The following GFPT1 variants were observed in gnomAD, a reference collection of about 807,000 sequenced individuals.
GFPT1 encodes the protein glutamine--fructose-6-phosphate transaminase 1.
Under a neutral mutation model 92.0 loss-of-function variants are expected in GFPT1, and 40 were observed. The ratio of observed to expected loss-of-function variants is 0.43; its 90% CI spans 0.34 to 0.57. The LOEUF (loss-of-function observed/expected upper bound fraction) is 0.57, where lower values mean the gene tolerates loss of function less well. Ranked by LOEUF, GFPT1 falls within the 20% of genes least tolerant of loss-of-function variation. The pLI is 0.02. For synonymous variants in GFPT1, 269 were observed against 280.6 expected, an observed-to-expected ratio of 0.96 and a Z score of 0.41; for missense variants, 448 against 869.1, an observed-to-expected ratio of 0.52 and a Z score of 6.09.
chr2:69,340,804 A>G (rs1670931208), intron 13 of GFPT1, among the ~76,000 whole-genome samples: 1 of 152,236 alleles, frequency 6.6e-6, no homozygotes, highest in South Asian at 2.1e-4. Flanking sequence ...ATCTTACATT[A>G]GAGAATTCTA....
rs988021644 is a variant in GFPT1 at position 69,329,412 on chromosome 2, T to G, written c.1610A>C (p.Glu537Ala). The G allele has an allele frequency of 7.5e-6, 12 of 1,607,312 alleles. No homozygotes were observed. The highest frequency in any genetic ancestry group is 1.0e-5 in the Non-Finnish European group (12 of 1,174,010). The part of the protein sequence containing the change: ...GLKRLPDLIK[E>A]VLSMDDEIQK... Reference sequence around the variant, plus strand: ...AATTTCGTCATCCATGCTCAGTACTTCCTTAATCAAATCTAAGAAGTAATA... The same window carrying G: ...AATTTCGTCATCCATGCTCAGTACTGCCTTAATCAAATCTAAGAAGTAATA... Residue 537 changes from glutamate to alanine, a missense_variant, in exon 17 of 20, where the codon GAA becomes GCA. Around this residue, in one of 7 missense-constraint regions of GFPT1, gnomAD observed 73 missense variants for 103.5 expected, o/e 0.71. Coordinates refer to ENST00000357308, the MANE Select transcript of GFPT1 (RefSeq NM_001244710.2).
rs1474256622 is a variant in GFPT1, at chr2:69,321,781, G to A, written c.*4408C>T. 2.0e-5 allele frequency: 3 copies of A among 152,168 alleles called. No individual in the cohort carries two copies. The highest frequency in any genetic ancestry group is 7.2e-5 in the African/African-American group (3 of 41,442). 9.4% of individuals were successfully genotyped at this position (152,168 alleles called of 1,614,324 possible). ...ACAGGATCATTTCTACATTCATTCT[G>A]CAAACAGTGTAGTAAGAAAGGTAAT... On this transcript the variant is annotated 3_prime_UTR_variant, in exon 20 of 20. Coordinates refer to ENST00000357308, the MANE Select transcript of GFPT1 (RefSeq NM_001244710.2).
At chr2:69,364,944 G>A (rs1671571952) in intron 3 of GFPT1, among the ~76,000 whole-genome samples, 1 of 121,250 alleles carries the variant, frequency 8.2e-6, no homozygotes, top group African/African-American at 3.3e-5. Context: ...ACAGTGAGCT[G>A]AGATCACATC....
At chr2:69,337,340 C>T (rs1284179620) in intron 15 of GFPT1, among the ~76,000 whole-genome samples, 4 of 152,178 alleles carry the variant, frequency 2.6e-5, no homozygotes, top group African/African-American at 9.6e-5. Flanking sequence ...GCTGGGATTA[C>T]AGGCGTGAGC....
intron 3 of GFPT1, among the ~76,000 whole-genome samples, chr2:69,365,877 A>AC (rs1219488394): frequency 1.3e-5 from 2 of 152,180 alleles, no homozygotes; most frequent in Admixed American, 1.3e-4. Context: ...CAATGGCGCA[A>AC]TCTTGGCTCA....
At chr2:69,350,324 C>A in intron 9 of GFPT1, 141 bp from the exon 10 acceptor site, 1 of 658,268 alleles carries the variant, frequency 1.5e-6, no homozygotes. Context: ...CCAAGTAGAT[C>A]ACCTTATTTC....
intron 1 of GFPT1, among the ~76,000 whole-genome samples, chr2:69,380,445 G>C (rs970150240): frequency 1.4e-4 from 22 of 152,130 alleles, no homozygotes; most frequent in African/African-American, 5.3e-4. Context: ...TGTTTAATTG[G>C]TTCATGTCTC....
At chr2:69,330,333 CCTTATAACCCATTGAATG>C (rs1440800993) in intron 15 of GFPT1, among the ~76,000 whole-genome samples, 2 of 152,188 alleles carry the variant, frequency 1.3e-5, no homozygotes, top group Non-Finnish European at 2.9e-5. Flanking sequence ...AAGCCAAACA[CCTTATAACCCATTGAATG>C]CTTATAAAAT....
intron 1 of GFPT1, among the ~76,000 whole-genome samples, chr2:69,383,560 T>C (rs1477202844): frequency 6.6e-6 from 1 of 152,170 alleles, no homozygotes; most frequent in Non-Finnish European, 1.5e-5. Flanking sequence ...AATTGCAAGT[T>C]CCTTTACTGC....
intron 1 of GFPT1, 30 bp downstream of exon 1, chr2:69,387,035 C>T: frequency 6.6e-7 from 1 of 1,509,298 alleles, no homozygotes. Flanking sequence ...CGCCACCCGG[C>T]AACACGCCCC....
rs200725948 is a variant in GFPT1, at chr2:69,327,106, A to G, written c.1894-31T>C. On this transcript the variant is annotated intron_variant, in intron 18 of 19. Coordinates refer to ENST00000357308, the MANE Select transcript of GFPT1 (RefSeq NM_001244710.2). Reference sequence around the variant, plus strand: ...AAAGAAAATCACACACATACACAACATCACTGGTGGGCAAAGGCAGGGCTA... The same window carrying G: ...AAAGAAAATCACACACATACACAACGTCACTGGTGGGCAAAGGCAGGGCTA... The G allele has an allele frequency of 1.9e-4, 300 of 1,607,448 alleles. 1 individual carries two copies. The African/African-American group carries it at 3.5e-3, about 19-fold the overall frequency.
In GFPT1 at chr2:69,387,173, G is replaced by A; in HGVS notation, c.-102C>T. On this transcript the variant is annotated 5_prime_UTR_variant, in exon 1 of 20. Coordinates refer to ENST00000357308, the MANE Select transcript of GFPT1 (RefSeq NM_001244710.2). ...GCAATCTGCGGGCTCGGGGGCCGGG[G>A]TGGCGCCGACACGACTCCCTCGGGG... 7.5e-7 allele frequency: 1 copy of A among 1,334,820 alleles called. No homozygotes were observed. Among genetic ancestry groups the A allele is most frequent in the South Asian group, 1.4e-5 (1 of 71,976 alleles). The allele number at this position is 1,334,820 out of a possible 1,614,324, so 82.7% of individuals were successfully genotyped here.
At chr2:69,381,618 C>T (rs1461275865) in intron 1 of GFPT1, among the ~76,000 whole-genome samples, 1 of 150,804 alleles carries the variant, frequency 6.6e-6, no homozygotes, top group Non-Finnish European at 1.5e-5. Context: ...AGTGCAGCAG[C>T]ACAATCATAG....
chr2:69,375,712 A>T (rs948523694), intron 1 of GFPT1, among the ~76,000 whole-genome samples: 44 of 152,310 alleles, frequency 2.9e-4, no homozygotes, highest in African/African-American at 1.0e-3. Context: ...CTTTCACAGC[A>T]CCACCACCCT....
rs1190094538 is a variant in GFPT1 at position 69,319,826 on chromosome 2, GTTCAAA to G, written c.*6357_*6362del. ...AGGATAAATACAAAATTAAGAAAGA[GTTCAAA>G]TTCAAAGTAAATATGCTTGATATTT... is the stretch of plus-strand genomic sequence containing the variant. On this transcript the variant is annotated 3_prime_UTR_variant, in exon 20 of 20. Coordinates refer to ENST00000357308, the MANE Select transcript of GFPT1 (RefSeq NM_001244710.2). 1 of 152,056 alleles carries G rather than the reference GTTCAAA, an allele frequency of 6.6e-6. No individual in the cohort carries two copies. The highest frequency in any genetic ancestry group is 1.5e-5 in the Non-Finnish European group (1 of 68,000). The allele number at this position is 152,056 out of a possible 1,614,324, so 9.4% of individuals were successfully genotyped here.
At chr2:69,334,107 G>C (rs1670738416) in intron 15 of GFPT1, among the ~76,000 whole-genome samples, 1 of 152,050 alleles carries the variant, frequency 6.6e-6, no homozygotes, top group African/African-American at 2.4e-5. Context: ...AGTGAGCAGA[G>C]ATCACACCAC....
intron 3 of GFPT1, among the ~76,000 whole-genome samples, chr2:69,369,426 GA>G (rs1375725659): frequency 6.6e-6 from 1 of 152,036 alleles, no homozygotes; most frequent in East Asian, 1.9e-4. Flanking sequence ...AGTTTCTTGT[GA>G]AAAAAATAAA....
At position 69,363,663 on chromosome 2, in the gene GFPT1, T is replaced by G; in HGVS notation, c.231A>C (p.Gln77His). Reference sequence around the variant, plus strand: ...CAAATTCTATATCCAAATCCATATCTTGTTGCTCTGAAGAATATGAAAAGA... The same window carrying G: ...CAAATTCTATATCCAAATCCATATCGTGTTGCTCTGAAGAATATGAAAAGA... Reference protein sequence around the residue: ...KALDEEVHKQQDMDLDIEFDV... With the variant: ...KALDEEVHKQHDMDLDIEFDV... The change falls in exon 4 of 20, where the codon CAA (glutamine) becomes CAC (histidine). Residue 77 changes from glutamine (Q) to histidine (H), a missense_variant. By Grantham distance (24) the Gln-to-His change is conservative (BLOSUM62 0). This residue lies in a region of GFPT1 where 72 missense variants were observed against 95.1 expected (regional missense o/e 0.76). Transcript: ENST00000357308. 2 of 1,604,646 alleles carry G rather than the reference T, an allele frequency of 1.2e-6. No individual in the cohort carries two copies. Among genetic ancestry groups the G allele is most frequent in the Non-Finnish European group, 1.7e-6 (2 of 1,171,304 alleles).
At chr2:69,380,320 C>T (rs1006072162) in intron 1 of GFPT1, among the ~76,000 whole-genome samples, 1 of 151,916 alleles carries the variant, frequency 6.6e-6, no homozygotes, top group South Asian at 2.1e-4. Flanking sequence ...CCAGGCTGGG[C>T]GACACAGTGA....
Sources: allele counts gnomAD v4.1 joint callset (sites outside exome capture counted in the v4.1 genomes callset), GRCh38; gene constraint gnomAD v4.1.1; regional missense constraint gnomAD v4.1.1; transcripts MANE v1.5; gene names NCBI Gene and HGNC (gene_info 2026-07-23, HGNC 2026-07-21).